Variants in PPFIA2 observed in about 807,000 individuals in gnomAD.
PPFIA2 encodes the protein PPFI scaffold protein A2.
A neutral mutation model predicts 175.5 loss-of-function variants in PPFIA2; 46 were observed. That is an observed-to-expected ratio of 0.26 (90% confidence interval 0.21 to 0.34). The LOEUF is 0.34. Among genes scored for constraint, PPFIA2 ranks in the 10% least tolerant of loss-of-function variants. The pLI is 1.00. For missense variants in PPFIA2, 1,179 were observed against 1,506.1 expected, an observed-to-expected ratio of 0.78 and a Z score of 3.60; for synonymous variants, 568 against 511.4, an observed-to-expected ratio of 1.11 and a Z score of -1.49.
At chr12:81,518,725 G>T (rs1271113061) in intron 4 of PPFIA2, among the ~76,000 whole-genome samples, 1 of 151,942 alleles carries the variant, frequency 6.6e-6, no homozygotes, top group Non-Finnish European at 1.5e-5. Flanking sequence ...ATTAATAGTT[G>T]CCTCTTTTCC....
chr12:81,443,918 G>A (rs1160477408), intron 6 of PPFIA2, among the ~76,000 whole-genome samples: 2 of 132,094 alleles, frequency 1.5e-5, no homozygotes, highest in East Asian at 4.6e-4. Context: ...GCAGTGGCGC[G>A]ATCTGGGCTC....
At chr12:81,663,111 C>T (rs1391264410) in intron 4 of PPFIA2, among the ~76,000 whole-genome samples, 1 of 151,840 alleles carries the variant, frequency 6.6e-6, no homozygotes, top group Non-Finnish European at 1.5e-5. Flanking sequence ...GGAAGGCATT[C>T]CCTTTGAAAA....
At chr12:81,450,582 T>C (rs996326270) in intron 5 of PPFIA2, among the ~76,000 whole-genome samples, 1 of 152,222 alleles carries the variant, frequency 6.6e-6, no homozygotes, top group South Asian at 2.1e-4. Context: ...TCTCCCATTC[T>C]GTAGCTTGCC....
At chr12:81,304,130 T>C (rs1312453180) in intron 22 of PPFIA2, among the ~76,000 whole-genome samples, 1 of 152,200 alleles carries the variant, frequency 6.6e-6, no homozygotes, top group Non-Finnish European at 1.5e-5. Flanking sequence ...CATCCTTCTC[T>C]TGCCCTGGAG....
chr12:81,419,617 A>C (rs937173715), intron 7 of PPFIA2, among the ~76,000 whole-genome samples: 2 of 152,072 alleles, frequency 1.3e-5, no homozygotes, highest in Non-Finnish European at 2.9e-5. Flanking sequence ...GAAAGATGTC[A>C]GTGTATTATT....
chr12:81,483,717 GA>G (rs1227459063), intron 4 of PPFIA2, among the ~76,000 whole-genome samples: 5 of 151,876 alleles, frequency 3.3e-5, no homozygotes, highest in African/African-American at 1.2e-4. Context: ...AAACTGTAAG[GA>G]AAAAACTATC....
intron 3 of PPFIA2, 26 bp downstream of exon 3, chr12:81,753,942 TAGGAG>T: frequency 6.2e-7 from 1 of 1,609,422 alleles, no homozygotes; most frequent in Admixed American, 1.7e-5. Flanking sequence ...TCAATTACAA[TAGGAG>T]AAACAAAGGC....
chr12:81,688,693 G>A (rs934803001), intron 3 of PPFIA2, among the ~76,000 whole-genome samples: 18 of 150,508 alleles, frequency 1.2e-4, no homozygotes, highest in African/African-American at 4.4e-4. Context: ...AATAACTGCA[G>A]TTCCTCTGAC....
At chr12:81,485,854 A>G (rs2058747952) in intron 4 of PPFIA2, among the ~76,000 whole-genome samples, 1 of 151,858 alleles carries the variant, frequency 6.6e-6, no homozygotes, top group South Asian at 2.1e-4. Context: ...TAATAATATA[A>G]GCGACATAAT....
At chr12:81,267,850 A>G (rs1472280183) in intron 29 of PPFIA2, 62 bp downstream of exon 29, 5 of 1,459,118 alleles carry the variant, frequency 3.4e-6, no homozygotes, top group Admixed American at 4.9e-5. Flanking sequence ...TTTTTTTCTA[A>G]AAGTTTAGTT....
intron 3 of PPFIA2, among the ~76,000 whole-genome samples, chr12:81,681,874 A>G (rs1207302071): frequency 6.6e-6 from 1 of 152,048 alleles, no homozygotes; most frequent in Admixed American, 6.6e-5. Context: ...ATAAAATTCT[A>G]AAGAGTTAGT....
chr12:81,490,445 T>C (rs2059305042), intron 4 of PPFIA2, among the ~76,000 whole-genome samples: 1 of 151,918 alleles, frequency 6.6e-6, no homozygotes, highest in African/African-American at 2.4e-5. Flanking sequence ...CCACCACGAA[T>C]GTTTCTAAAT....
rs566217799 is a variant in PPFIA2 at position 81,400,308 on chromosome 12, T to C, written c.762+5479A>G. On this transcript the variant is annotated intron_variant, in intron 8 of 32. Transcript: ENST00000549396. ...GGCTTGTTCTAAGTACCTATTTTTGTCATTGGTTGTTCATTCTAAAACAGC... is the reference window on the plus strand; with the variant it reads ...GGCTTGTTCTAAGTACCTATTTTTGCCATTGGTTGTTCATTCTAAAACAGC... Among the ~76,000 whole-genome samples, 5 of 152,270 alleles carry C rather than the reference T, an allele frequency of 3.3e-5. No individual in the cohort carries two copies. In the South Asian group the frequency reaches 8.3e-4, roughly 25 times the overall value.
chr12:81,458,061 A>G (rs1333486332), intron 4 of PPFIA2, among the ~76,000 whole-genome samples, 195 bp from the exon 5 acceptor site: 6 of 152,210 alleles, frequency 3.9e-5, no homozygotes, highest in African/African-American at 1.4e-4. Flanking sequence ...TATGCATTTT[A>G]TTACAGTACA....
intron 3 of PPFIA2, among the ~76,000 whole-genome samples, chr12:81,678,083 A>G (rs2072910686): frequency 6.6e-6 from 1 of 151,842 alleles, no homozygotes; most frequent in Admixed American, 6.6e-5. Flanking sequence ...GTTAAATCGA[A>G]TGGTTACACT....
At chr12:81,487,211 G>C (rs1383827670) in intron 4 of PPFIA2, among the ~76,000 whole-genome samples, 3 of 151,850 alleles carry the variant, frequency 2.0e-5, no homozygotes, top group Non-Finnish European at 4.4e-5. Flanking sequence ...AGGGAGAAAG[G>C]TGACCCCTGG....
At chr12:81,753,497 C>A (rs1597235529) in intron 3 of PPFIA2, among the ~76,000 whole-genome samples, 4 of 145,826 alleles carry the variant, frequency 2.7e-5, no homozygotes, top group South Asian at 2.2e-4. Context: ...TTAGTAATTC[C>A]AAGAATTTTA....
chr12:81,266,044 T>A (rs2136233120), intron 30 of PPFIA2, among the ~76,000 whole-genome samples: 1 of 152,328 alleles, frequency 6.6e-6, no homozygotes, highest in Non-Finnish European at 1.5e-5. Flanking sequence ...CTTATCTCTC[T>A]ATAATCCCCA....
At chr12:81,677,965 C>T (rs1439767678) in intron 3 of PPFIA2, among the ~76,000 whole-genome samples, 4 of 151,702 alleles carry the variant, frequency 2.6e-5, no homozygotes, top group Admixed American at 6.6e-5. Flanking sequence ...GTAAAATCAC[C>T]CAGGTTTTTA....
Sources: allele counts gnomAD v4.1 joint callset (sites outside exome capture counted in the v4.1 genomes callset), GRCh38; gene constraint gnomAD v4.1.1; transcripts MANE v1.5; gene names NCBI Gene and HGNC (gene_info 2026-07-23, HGNC 2026-07-21).